Variants in KCNH5 observed in about 807,000 individuals in gnomAD.
KCNH5 encodes potassium voltage-gated channel subfamily H member 5, also known as voltage-gated delayed rectifier potassium channel KCNH5.
In KCNH5, 46 loss-of-function variants were observed where a neutral mutation model predicts 96.1. That is an observed-to-expected ratio of 0.48 (90% CI 0.38 to 0.61). KCNH5 has a LOEUF of 0.61. KCNH5 is among the 20% of genes least tolerant of loss of function. The pLI is 0.00. For synonymous variants in KCNH5, 439 were observed against 449.8 expected, an observed-to-expected ratio of 0.98 and a Z score of 0.30; for missense variants, 907 against 1,225.8, an observed-to-expected ratio of 0.74 and a Z score of 3.88.
chr14:63,045,027 C>T (rs553346358), intron 1 of KCNH5, 87 bp downstream of exon 1: 2 of 1,088,616 alleles, frequency 1.8e-6, no homozygotes, highest in Admixed American at 1.7e-5. Flanking sequence ...CCTCCTCCCC[C>T]CTTGGGAGAG....
intron 6 of KCNH5, among the ~76,000 whole-genome samples, chr14:62,956,153 A>G (rs1890099899): frequency 6.6e-6 from 1 of 152,210 alleles, no homozygotes; most frequent in Non-Finnish European, 1.5e-5. Flanking sequence ...CTATGCTGCC[A>G]GGTCATTTCC....
chr14:62,953,870 G>C (rs111471364), intron 6 of KCNH5, among the ~76,000 whole-genome samples: 1 of 152,176 alleles, frequency 6.6e-6, no homozygotes, highest in Non-Finnish European at 1.5e-5. Context: ...CACACTACAA[G>C]GGCTATCAGT....
chr14:62,809,150 A>G (rs993143031), intron 8 of KCNH5, among the ~76,000 whole-genome samples: 1 of 152,162 alleles, frequency 6.6e-6, no homozygotes, highest in East Asian at 1.9e-4. Flanking sequence ...GTAGCAATTG[A>G]GCAAAGTATA....
chr14:62,980,751 T>A, intron 6 of KCNH5, 121 bp downstream of exon 6: 1 of 1,029,464 alleles, frequency 9.7e-7, no homozygotes, highest in Non-Finnish European at 1.4e-6. Context: ...TTGGCAAGGG[T>A]TTCAAGAAAG....
chr14:62,915,661 C>A (rs1351040318), intron 7 of KCNH5, among the ~76,000 whole-genome samples: 4 of 152,212 alleles, frequency 2.6e-5, no homozygotes, highest in South Asian at 2.1e-4. Context: ...AAATGCTATT[C>A]CAATAAGCAT....
chr14:62,748,834 C>A (rs974544913), intron 10 of KCNH5, among the ~76,000 whole-genome samples: 1 of 152,080 alleles, frequency 6.6e-6, no homozygotes, highest in Non-Finnish European at 1.5e-5. Context: ...TGTATTCCTG[C>A]ACAAAGAGTA....
At chr14:62,713,794 G>A (rs1312922070) in intron 10 of KCNH5, among the ~76,000 whole-genome samples, 1 of 152,172 alleles carries the variant, frequency 6.6e-6, no homozygotes, top group Non-Finnish European at 1.5e-5. Context: ...GTAACTCACT[G>A]TATTTCAAAA....
intron 5 of KCNH5, among the ~76,000 whole-genome samples, chr14:62,983,184 C>A (rs951473662): frequency 8.6e-5 from 13 of 151,892 alleles, no homozygotes; most frequent in African/African-American, 3.1e-4. Context: ...CCTTCCTAGA[C>A]TCCTTCATGG....
At chr14:62,872,454 G>A (rs1888275835) in intron 7 of KCNH5, among the ~76,000 whole-genome samples, 1 of 152,162 alleles carries the variant, frequency 6.6e-6, no homozygotes, top group Non-Finnish European at 1.5e-5. Context: ...ACTTTGGGAG[G>A]CTGAGGCGTG....
chr14:62,882,369 G>A (rs1232724678), intron 7 of KCNH5, among the ~76,000 whole-genome samples: 2 of 152,188 alleles, frequency 1.3e-5, no homozygotes, highest in Non-Finnish European at 2.9e-5. Flanking sequence ...TCTCTCTACT[G>A]AAAGAACTAG....
intron 10 of KCNH5, among the ~76,000 whole-genome samples, chr14:62,779,472 C>T (rs1379558658): frequency 1.3e-5 from 2 of 152,164 alleles, no homozygotes; most frequent in Admixed American, 6.5e-5. Flanking sequence ...ATAGAGTTCA[C>T]AGCTTGTTTC....
chr14:62,727,061 CT>C (rs1156893238), intron 10 of KCNH5, among the ~76,000 whole-genome samples: 1 of 152,070 alleles, frequency 6.6e-6, no homozygotes, highest in African/African-American at 2.4e-5. Context: ...CAAAATGGAT[CT>C]AAAGTGTTAA....
chr14:62,823,057 C>T (rs1887147453), intron 8 of KCNH5, among the ~76,000 whole-genome samples: 1 of 152,038 alleles, frequency 6.6e-6, no homozygotes, highest in Non-Finnish European at 1.5e-5. Flanking sequence ...TCAGCATGCT[C>T]TCCAGTATGG....
intron 7 of KCNH5, among the ~76,000 whole-genome samples, chr14:62,902,356 A>G (rs1444647787): frequency 6.6e-6 from 1 of 151,762 alleles, no homozygotes; most frequent in Non-Finnish European, 1.5e-5. Context: ...GAGGTCTTAC[A>G]TTGAAATCTT....
chr14:62,770,648 T>C (rs1885965104), intron 10 of KCNH5, among the ~76,000 whole-genome samples: 1 of 152,204 alleles, frequency 6.6e-6, no homozygotes, highest in Non-Finnish European at 1.5e-5. Flanking sequence ...ATAGCAATCC[T>C]TCTTAAATCA....
intron 7 of KCNH5, among the ~76,000 whole-genome samples, chr14:62,931,755 C>T (rs1443513730): frequency 6.6e-6 from 1 of 152,140 alleles, no homozygotes; most frequent in African/African-American, 2.4e-5. Flanking sequence ...GTTTAAGAAA[C>T]AGATGGACAC....
At chr14:62,742,093 T>G (rs887369248) in intron 10 of KCNH5, among the ~76,000 whole-genome samples, 1 of 152,148 alleles carries the variant, frequency 6.6e-6, no homozygotes, top group African/African-American at 2.4e-5. Flanking sequence ...AAATATCATC[T>G]GGAAACTGGT....
intron 6 of KCNH5, among the ~76,000 whole-genome samples, chr14:62,965,307 G>A (rs561385405): frequency 3.3e-5 from 5 of 152,130 alleles, no homozygotes; most frequent in African/African-American, 1.2e-4. Context: ...TCTTATGAAC[G>A]TCTTCATACC....
At chr14:63,000,630 A>G (rs573772948) in intron 4 of KCNH5, among the ~76,000 whole-genome samples, 78 of 152,348 alleles carry the variant, frequency 5.1e-4, no homozygotes, top group Admixed American at 1.9e-3. Context: ...GAAAAAGTCA[A>G]CTATTACAAT....
Sources: allele counts gnomAD v4.1 joint callset (sites outside exome capture counted in the v4.1 genomes callset), GRCh38; gene constraint gnomAD v4.1.1; transcripts MANE v1.5; gene names NCBI Gene and HGNC (gene_info 2026-07-23, HGNC 2026-07-21).